Variants in NTRK3 observed in about 807,000 individuals in gnomAD.
NTRK3 encodes the protein NT-3 growth factor receptor.
A neutral mutation model predicts 91.7 loss-of-function variants in NTRK3; 24 were observed. The ratio of observed to expected loss-of-function variants is 0.26; its 90% CI spans 0.19 to 0.37. NTRK3 has a LOEUF of 0.37. NTRK3 is among the 10% of genes least tolerant of loss of function. The pLI, the probability that NTRK3 is intolerant of heterozygous loss-of-function variation, is 1.00. For missense variants in NTRK3, 880 were observed against 1,068.9 expected (o/e 0.82, Z 2.46); for synonymous variants, 483 against 404.0 (o/e 1.20, Z -2.34).
At chr15:88,018,676 C>G (rs2077404500) in intron 14 of NTRK3, among the ~76,000 whole-genome samples, 2 of 152,110 alleles carry the variant, frequency 1.3e-5, no homozygotes, top group Admixed American at 6.5e-5. Flanking sequence ...AACATTTTAA[C>G]CATTCCCTGT....
chr15:88,101,535 A>G (rs537750581), intron 13 of NTRK3, among the ~76,000 whole-genome samples: 44 of 152,360 alleles, frequency 2.9e-4, no homozygotes, highest in African/African-American at 9.6e-4. Flanking sequence ...CCAAAGGATT[A>G]TAAATCATGC....
In NTRK3 at chr15:87,919,352, T is replaced by C. The variant is rs534367697; in HGVS notation, c.2133+9839A>G. Among the ~76,000 whole-genome samples, 4 of 152,230 alleles carry C rather than the reference T, an allele frequency of 2.6e-5. No homozygotes were observed. The South Asian group carries it at 8.3e-4, about 32-fold the overall frequency. ...ATCCTCAGGCCACTGCAGGGAGAAT[T>C]CACAAAATAACTTCATCACTTCATT... On this transcript the variant is annotated intron_variant, in intron 17 of 18. Transcript: ENST00000394480.
chr15:88,022,151 G>A (rs1723608011), intron 14 of NTRK3, among the ~76,000 whole-genome samples: 1 of 152,172 alleles, frequency 6.6e-6, no homozygotes, highest in African/African-American at 2.4e-5. Context: ...AGGAAAGGGA[G>A]TCTCTCCCTG....
At chr15:88,175,089 A>C (rs1180505322) in intron 5 of NTRK3, among the ~76,000 whole-genome samples, 5 of 152,240 alleles carry the variant, frequency 3.3e-5, no homozygotes. Flanking sequence ...ATGCACCCCC[A>C]GTAGCCTATC....
intron 3 of NTRK3, among the ~76,000 whole-genome samples, chr15:88,227,815 C>G (rs966802070): frequency 1.6e-4 from 25 of 152,090 alleles, no homozygotes; most frequent in Non-Finnish European, 1.0e-4. Context: ...CTACCCTCCC[C>G]CTAGAAGCTG....
intron 17 of NTRK3, among the ~76,000 whole-genome samples, chr15:87,883,393 GTA>G (rs1283388405): frequency 6.8e-6 from 1 of 148,042 alleles, no homozygotes; most frequent in Non-Finnish European, 1.5e-5. Context: ...ACATATATAT[GTA>G]TATGTGTGTG....
At chr15:88,105,181 T>C (rs1395637275) in intron 13 of NTRK3, among the ~76,000 whole-genome samples, 1 of 152,196 alleles carries the variant, frequency 6.6e-6, no homozygotes, top group East Asian at 1.9e-4. Context: ...ATGGACCTGA[T>C]TGTCAACCAC....
intron 13 of NTRK3, among the ~76,000 whole-genome samples, chr15:88,105,035 A>T (rs1022517475): frequency 6.6e-6 from 1 of 152,126 alleles, no homozygotes; most frequent in Non-Finnish European, 1.5e-5. Context: ...GTCTCAATTC[A>T]CTTTAGTTAA....
In NTRK3 at chr15:88,158,251, C is replaced by T. The variant is rs1053379240; in HGVS notation, c.396-10848G>A. On this transcript the variant is annotated intron_variant, in intron 5 of 18. Transcript: ENST00000394480. ...TGTTTCTGCCCATTGCCAGTCACCACCGAAGCCACAACGCGCCCACGCCAT... is the reference window on the plus strand; with the variant it reads ...TGTTTCTGCCCATTGCCAGTCACCATCGAAGCCACAACGCGCCCACGCCAT... 2.0e-5 allele frequency among the ~76,000 whole-genome samples: 3 copies of T among 152,318 alleles called. No individual in the cohort carries two copies. In the South Asian group the frequency reaches 6.2e-4, roughly 32 times the overall value.
chr15:87,983,623 A>C (rs2141395883), intron 14 of NTRK3, among the ~76,000 whole-genome samples: 1 of 152,312 alleles, frequency 6.6e-6, no homozygotes, highest in East Asian at 1.9e-4. Context: ...ATAATATGGA[A>C]AAACAGCCCC....
chr15:87,976,576 C>G (rs2073735191), intron 14 of NTRK3, among the ~76,000 whole-genome samples: 1 of 152,166 alleles, frequency 6.6e-6, no homozygotes, highest in Admixed American at 6.5e-5. Flanking sequence ...GTCCTCTCCT[C>G]CTGAAAGGAA....
At chr15:88,184,191 A>G (rs1045710589) in intron 4 of NTRK3, 34 bp downstream of exon 4, 6 of 1,608,928 alleles carry the variant, frequency 3.7e-6, no homozygotes, top group Admixed American at 1.7e-5. Flanking sequence ...CCCCTTCCAC[A>G]GGGAAAGGCC....
At chr15:88,178,471 A>T (rs2046192508) in intron 5 of NTRK3, among the ~76,000 whole-genome samples, 1 of 152,156 alleles carries the variant, frequency 6.6e-6, no homozygotes, top group Admixed American at 6.5e-5. Flanking sequence ...ATCATGCTCA[A>T]ATCAGGACAT....
At chr15:88,153,210 A>G (rs186332043) in intron 5 of NTRK3, among the ~76,000 whole-genome samples, 1 of 152,120 alleles carries the variant, frequency 6.6e-6, no homozygotes, top group African/African-American at 2.4e-5. Flanking sequence ...ATCTAACATC[A>G]TCAAGTATCT....
At chr15:88,202,966 A>C (rs1423019646) in intron 3 of NTRK3, among the ~76,000 whole-genome samples, 1 of 152,206 alleles carries the variant, frequency 6.6e-6, no homozygotes, top group East Asian at 1.9e-4. Context: ...TGTGTGTCCC[A>C]CTGATGTCCC....
At chr15:88,014,886 A>C (rs2141819253) in intron 14 of NTRK3, among the ~76,000 whole-genome samples, 1 of 152,352 alleles carries the variant, frequency 6.6e-6, no homozygotes, top group South Asian at 2.1e-4. Flanking sequence ...CAACAAATCA[A>C]GAAATAAATT....
At chr15:87,969,828 C>T (rs977394204) in intron 14 of NTRK3, among the ~76,000 whole-genome samples, 1 of 152,166 alleles carries the variant, frequency 6.6e-6, no homozygotes, top group African/African-American at 2.4e-5. Context: ...CGAGAACTCC[C>T]GCTTGGCCTT....
intron 17 of NTRK3, among the ~76,000 whole-genome samples, chr15:87,904,610 T>C (rs1451217901): frequency 2.0e-5 from 3 of 152,190 alleles, no homozygotes; most frequent in African/African-American, 7.2e-5. Context: ...CATGACCAGG[T>C]GCCCTTGCAG....
chr15:88,070,762 C>A (rs1343715531), intron 13 of NTRK3, among the ~76,000 whole-genome samples: 1 of 152,080 alleles, frequency 6.6e-6, no homozygotes, highest in African/African-American at 2.4e-5. Context: ...AGCACCACAG[C>A]AAAATGTTTC....
Sources: allele counts gnomAD v4.1 joint callset (sites outside exome capture counted in the v4.1 genomes callset), GRCh38; gene constraint gnomAD v4.1.1; transcripts MANE v1.5; gene names NCBI Gene and HGNC (gene_info 2026-07-23, HGNC 2026-07-21).